SYNJ2: variants seen among roughly 807,000 people sequenced by gnomAD.
SYNJ2 encodes the protein polyphosphatidylinositol phosphatase SYNJ2.
A neutral mutation model predicts 141.3 loss-of-function variants in SYNJ2; 116 were observed. The ratio of observed to expected loss-of-function variants is 0.82; its 90% CI spans 0.71 to 0.96. The LOEUF is 0.96. Among genes scored for constraint, SYNJ2 ranks in the 40% least tolerant of loss-of-function variants. The pLI is 0.00. For synonymous variants in SYNJ2, 745 were observed against 777.7 expected (o/e 0.96, Z 0.70); for missense variants, 1,873 against 1,934.8 (o/e 0.97, Z 0.60).
chr6:157,987,539 C>T (rs1395947076), intron 1 of SYNJ2, among the ~76,000 whole-genome samples: 2 of 152,066 alleles, frequency 1.3e-5, no homozygotes, highest in Non-Finnish European at 2.9e-5. Context: ...GTAGCTGGGA[C>T]TACAGGCGCG....
At chr6:158,032,100 G>A (rs1455711873) in intron 3 of SYNJ2, among the ~76,000 whole-genome samples, 1 of 152,090 alleles carries the variant, frequency 6.6e-6, no homozygotes, top group Non-Finnish European at 1.5e-5. Flanking sequence ...GTGGCTGTGC[G>A]ACCTCAGATG....
intron 26 of SYNJ2, chr6:158,094,188 A>G (rs766171016): frequency 5.5e-6 from 3 of 541,310 alleles, no homozygotes; most frequent in Non-Finnish European, 9.9e-6. Flanking sequence ...TCCCTTGTCC[A>G]TGCTTCCTTA....
At chr6:158,060,725 A>G (rs924286325) in intron 7 of SYNJ2, among the ~76,000 whole-genome samples, 38 of 152,264 alleles carry the variant, frequency 2.5e-4, no homozygotes, top group African/African-American at 8.2e-4. Flanking sequence ...GCTAAAAAAT[A>G]AGAATAATAA....
intron 12 of SYNJ2, 91 bp from the exon 13 acceptor site, chr6:158,068,556 T>C (rs937323219): frequency 1.4e-6 from 2 of 1,425,698 alleles, no homozygotes; most frequent in Non-Finnish European, 2.0e-6. Context: ...GTGGACAGCA[T>C]GACTCGGGAG....
At position 158,089,984 on chromosome 6, in the gene SYNJ2, C is replaced by T. The variant is rs762526281; in HGVS notation, c.3565+37C>T. 10 of 1,455,542 alleles carry T rather than the reference C, an allele frequency of 6.9e-6. No homozygotes were observed. The South Asian group carries it at 1.2e-4, about 17-fold the overall frequency. 90.2% of individuals were successfully genotyped at this position (1,455,542 alleles called of 1,614,324 possible). On this transcript the variant is annotated intron_variant, in intron 25 of 26. Transcript: ENST00000355585. Reference sequence around the variant, plus strand: ...CCTGGGGGCAGGGGAAAAACCAATTCTCCTTTTCTTTTTATCTCCCTGCTA... The same window carrying T: ...CCTGGGGGCAGGGGAAAAACCAATTTTCCTTTTCTTTTTATCTCCCTGCTA...
In SYNJ2 at chr6:158,095,629, G is replaced by A. The variant is rs200678549; in HGVS notation, c.3756G>A (p.Pro1252=). 7.9e-5 allele frequency: 126 copies of A among 1,598,958 alleles called. No individual in the cohort carries two copies. The African/African-American group carries it at 9.6e-4, about 12-fold the overall frequency. The part of the protein sequence containing the change: ...TLRRTGKPLS[P]EEQFEQQTVH... Reference sequence around the variant, plus strand: ...CCACCTTTTCTCAGCCCCTGTCACCGGAAGAACAGTTTGAGCAACAGACTG... The same window carrying A: ...CCACCTTTTCTCAGCCCCTGTCACCAGAAGAACAGTTTGAGCAACAGACTG... Residue 1252 remains proline (P), a synonymous_variant, in exon 27 of 27, where the codon CCG becomes CCA. Coordinates refer to ENST00000355585, the MANE Select transcript of SYNJ2 (RefSeq NM_003898.4).
Position 158,070,726 on chromosome 6 carries a change from G to A in SYNJ2, c.1941-876G>A, listed in dbSNP as rs1228880608. ...CCAGCAGGCCTCAGTCTGTGGCATGGCTGTGGAAATGTTAACAAATGTGCT... is the reference window on the plus strand; with the variant it reads ...CCAGCAGGCCTCAGTCTGTGGCATGACTGTGGAAATGTTAACAAATGTGCT... On this transcript the variant is annotated intron_variant, in intron 14 of 26. Transcript: ENST00000355585. This position sits in a 1 kb window ranked among gnomAD's most constrained non-coding sequence, Gnocchi z 4.0. 6.6e-6 allele frequency among the ~76,000 whole-genome samples: 1 copy of A among 152,174 alleles called. No individual in the cohort carries two copies. Among genetic ancestry groups the A allele is most frequent in the African/African-American group, 2.4e-5 (1 of 41,440 alleles).
At chr6:158,042,642 G>C (rs1034167077) in intron 4 of SYNJ2, among the ~76,000 whole-genome samples, 2 of 152,260 alleles carry the variant, frequency 1.3e-5, no homozygotes, top group Non-Finnish European at 2.9e-5. Context: ...ATAGCTGTAC[G>C]TGTGGGTGGG....
chr6:158,041,107 C>G (rs1320542200), intron 4 of SYNJ2, among the ~76,000 whole-genome samples: 1 of 152,212 alleles, frequency 6.6e-6, no homozygotes, highest in African/African-American at 2.4e-5. Context: ...CTCATCCCTT[C>G]TCCGTGCACA....
chr6:158,096,323 A>G lies in SYNJ2; in HGVS notation c.4450A>G (p.Arg1484Gly). The G allele has an allele frequency of 1.9e-6, 3 of 1,613,310 alleles. No individual in the cohort carries two copies. Among genetic ancestry groups the G allele is most frequent in the Non-Finnish European group, 2.5e-6 (3 of 1,179,846 alleles). The change falls in exon 27 of 27, where the codon AGG becomes GGG. Residue 1484 changes from arginine to glycine, a missense_variant. Coordinates refer to ENST00000355585, the MANE Select transcript of SYNJ2 (RefSeq NM_003898.4). ...GGTGACAATCAGTGACCAAGAAAAGAGGACAGCACTGCAGGTGTTTGACCC... is the reference window on the plus strand; with the variant it reads ...GGTGACAATCAGTGACCAAGAAAAGGGGACAGCACTGCAGGTGTTTGACCC... ...HWVTISDQEK[R>G]TALQVFDPLA...
intron 3 of SYNJ2, 55 bp from the exon 4 acceptor site, chr6:158,033,400 G>A (rs1779473751): frequency 5.1e-6 from 8 of 1,578,970 alleles, no homozygotes; most frequent in Non-Finnish European, 6.9e-6. Context: ...TGTCCAGGCA[G>A]CATGTATTGG....
chr6:158,081,212 A>T lies in SYNJ2; in HGVS notation c.2671A>T (p.Thr891Ser), dbSNP rs1433712631. ...VSSFQGPLDA[T>S]VVVNLQSPTL... Reference sequence around the variant, plus strand: ...CTCCTTCCAGGGCCCCCTGGATGCCACTGTTGTAGTAAACCTTCAATCACC... The same window carrying T: ...CTCCTTCCAGGGCCCCCTGGATGCCTCTGTTGTAGTAAACCTTCAATCACC... Residue 891 changes from threonine (T) to serine (S), a missense_variant, in exon 19 of 27, where the codon ACT (threonine) becomes TCT (serine). Thr to Ser is a moderately conservative substitution (Grantham distance 58). Coordinates refer to ENST00000355585, the MANE Select transcript of SYNJ2 (RefSeq NM_003898.4). 6.2e-7 allele frequency: 1 copy of T among 1,614,128 alleles called. No homozygotes were observed. Among genetic ancestry groups the T allele is most frequent in the Non-Finnish European group, 8.5e-7 (1 of 1,180,016 alleles).
rs148373433 is a variant in SYNJ2 at position 158,084,790 on chromosome 6, T to C, written c.3208+616T>C. On this transcript the variant is annotated intron_variant, in intron 22 of 26. Transcript: ENST00000355585. This position sits in a 1 kb window ranked among gnomAD's most constrained non-coding sequence, Gnocchi z 5.0. The stretch of plus-strand genomic sequence containing the variant: ...TCGCCCCACTGCACTCCAGCTTGGG[T>C]GACAAAGTGAGATTCCGTCTCAAAA... Among the ~76,000 whole-genome samples the C allele has an allele frequency of 6.4e-4, 97 of 152,018 alleles. No homozygotes were observed. The highest frequency in any genetic ancestry group is 2.2e-3 in the African/African-American group (91 of 41,480).
At chr6:158,000,196 GAGA>G (rs2128319429) in intron 1 of SYNJ2, among the ~76,000 whole-genome samples, 1 of 146,798 alleles carries the variant, frequency 6.8e-6, no homozygotes, top group South Asian at 2.1e-4. Context: ...AGCGTCACTT[GAGA>G]AGGTTTCTTC....
At chr6:158,055,454 CTATTAGTAGTTTTTT>C (rs1425350707) in intron 6 of SYNJ2, among the ~76,000 whole-genome samples, 1 of 151,546 alleles carries the variant, frequency 6.6e-6, no homozygotes, top group Admixed American at 6.6e-5. Flanking sequence ...AGAGATTTTA[CTATTAGTAGTTTTTT>C]ACATGTCATT....
intron 3 of SYNJ2, chr6:158,029,394 CAAAAAAAAA>C (rs59043421): frequency 1.1e-5 from 1 of 89,284 alleles, no homozygotes; most frequent in Non-Finnish European, 2.4e-5. Context: ...ACTAAAAATA[CAAAAAAAAA>C]AAAAAAAAAA....
intron 15 of SYNJ2, among the ~76,000 whole-genome samples, chr6:158,073,669 C>T (rs1782081826): frequency 6.6e-6 from 1 of 152,146 alleles, no homozygotes; most frequent in African/African-American, 2.4e-5. Context: ...GCACAGAGAA[C>T]ATTTCGGTGC....
At position 158,081,294 on chromosome 6, in the gene SYNJ2, C is replaced by T; in HGVS notation, c.2753C>T (p.Thr918Ile). The T allele has an allele frequency of 6.2e-7, 1 of 1,614,124 alleles. No individual in the cohort carries two copies. The highest frequency in any genetic ancestry group is 1.1e-5 in the South Asian group (1 of 91,082). ...PEDLRTELMQ[T>I]LGSYGTIVLV... ...GACCTGCGTACTGAGCTCATGCAGA[C>T]CTTGGGGAGTTATGGGACAATTGTT... The change falls in exon 19 of 27, where the codon ACC (threonine) becomes ATC (isoleucine). Residue 918 changes from threonine to isoleucine, a missense_variant. By Grantham distance (89) the Thr-to-Ile change is moderately conservative (BLOSUM62 -1). Coordinates refer to ENST00000355585, the MANE Select transcript of SYNJ2 (RefSeq NM_003898.4).
At position 158,070,618 on chromosome 6, in the gene SYNJ2, C is replaced by T. The variant is rs970942238; in HGVS notation, c.1940+945C>T. On this transcript the variant is annotated intron_variant, in intron 14 of 26. Coordinates refer to ENST00000355585, the MANE Select transcript of SYNJ2 (RefSeq NM_003898.4). This position sits in a 1 kb window ranked among gnomAD's most constrained non-coding sequence, Gnocchi z 4.0. ...CCCAGGCTCGGTGTCCTCGGCTTCA[C>T]GTGCCTTTAGCCCTGAGCTGCTTCC... is the stretch of plus-strand genomic sequence containing the variant. 3.7e-5 allele frequency: 22 copies of T among 589,886 alleles called. No individual in the cohort carries two copies. Among genetic ancestry groups the T allele is most frequent in the South Asian group, 1.5e-4 (2 of 13,322 alleles). 36.5% of individuals were successfully genotyped at this position (589,886 alleles called of 1,614,324 possible). A position where few individuals can be genotyped will look rare whatever the true frequency, so the allele number is the denominator to read the frequency against.
Sources: gnomAD v4.1 joint callset for allele counts (sites outside exome capture counted in the v4.1 genomes callset) on GRCh38, gnomAD v4.1.1 for gene constraint, Gnocchi (gnomAD v3.1) non-coding constraint, MANE v1.5 for transcripts, NCBI Gene and HGNC (gene_info 2026-07-23, HGNC 2026-07-21) for gene names.